The following TAF1D variants were observed in gnomAD, a reference collection of about 807,000 sequenced individuals.
TAF1D encodes the protein TATA-box binding protein associated factor, RNA polymerase I subunit D.
In TAF1D, 23 loss-of-function variants were observed where a neutral mutation model predicts 26.2. The ratio of observed to expected loss-of-function variants is 0.88; its 90% CI spans 0.63 to 1.25. The LOEUF (loss-of-function observed/expected upper bound fraction) is 1.25, where lower values mean the gene tolerates loss of function less well. TAF1D is among the 50% of genes most tolerant of loss of function. TAF1D has a pLI of 0.00. For missense variants in TAF1D, 299 were observed against 322.0 expected (o/e 0.93, Z 0.55); for synonymous variants, 100 against 105.6 (o/e 0.95, Z 0.33).
intron 2 of TAF1D, chr11:93,738,915 G>GT (rs1941276430): frequency 2.7e-6 from 1 of 366,172 alleles, no homozygotes; most frequent in Admixed American, 4.4e-5. Context: ...CCAAAAGGCT[G>GT]TATGGTTCGG....
At chr11:93,737,325 C>A (rs115489651) in intron 3 of TAF1D, 86 bp from the exon 4 acceptor site, 11 of 890,578 alleles carry the variant, frequency 1.2e-5, no homozygotes, top group Admixed American at 3.0e-5. Flanking sequence ...CAATGCCCCC[C>A]CTTAGCAAAG....
Position 93,740,963 on chromosome 11 carries a change from C to T in TAF1D, c.-28+359G>A, listed in dbSNP as rs891143723. ...CTTTACCCGGAGCTAACGCTGTGAC[C>T]ACCAGCGCCTCTCACCCGGCAGCGC... On this transcript the variant is annotated intron_variant, in intron 1 of 5. Coordinates refer to ENST00000448108, the MANE Select transcript of TAF1D (RefSeq NM_024116.4). Among the ~76,000 whole-genome samples, 7 of 152,358 alleles carry T rather than the reference C, an allele frequency of 4.6e-5. No homozygotes were observed. The East Asian group carries it at 1.3e-3, about 29-fold the overall frequency.
At chr11:93,730,413 G>A (rs1938293707) in exon 12 of TAF1D, 1 of 787,452 alleles carries the variant, frequency 1.3e-6, no homozygotes, top group Admixed American at 1.9e-5. Flanking sequence ...ATCCTCTAAA[G>A]AGCTGGAGTC....
At chr11:93,736,956 T>C (rs1940924008) in intron 4 of TAF1D, 108 bp downstream of exon 4, 5 of 1,144,676 alleles carry the variant, frequency 4.4e-6, no homozygotes, top group Non-Finnish European at 6.0e-6. Context: ...ACTCTGTATC[T>C]TTGTTCATTA....
At chr11:93,739,977 A>AAAAAAG (rs1941529317) in intron 1 of TAF1D, among the ~76,000 whole-genome samples, 1 of 150,760 alleles carries the variant, frequency 6.6e-6, no homozygotes, top group Non-Finnish European at 1.5e-5. Context: ...AAAAAAAAAA[A>AAAAAAG]AAAAAGAAAA....
At chr11:93,737,032 A>C in intron 4 of TAF1D, 32 bp downstream of exon 4, 1 of 1,522,096 alleles carries the variant, frequency 6.6e-7, no homozygotes, top group East Asian at 2.3e-5. Context: ...TTTATAACCT[A>C]TTACCAAAGT....
At position 93,736,207 on chromosome 11, in the gene TAF1D, C is replaced by T; in HGVS notation, c.791G>A (p.Arg264Lys). 6.2e-7 allele frequency: 1 copy of T among 1,613,512 alleles called. No homozygotes were observed. Residue 264 changes from arginine to lysine, a missense_variant, in exon 6 of 6, where the codon AGA (arginine) becomes AAA (lysine). Physicochemically the swap from Arg to Lys is conservative, Grantham distance 26. Coordinates refer to ENST00000448108, the MANE Select transcript of TAF1D (RefSeq NM_024116.4). ...TCCAGTATTTTTGGCTTTTGTAGCT[C>T]TCTTTTTAGACAAAGCAGCTTCTTC... The part of the protein sequence containing the change: ...ITEEAALSKK[R>K]ATKAKNTGQR...
At position 93,736,282 on chromosome 11, in the gene TAF1D, G is replaced by A. The variant is rs566261087; in HGVS notation, c.716C>T (p.Ser239Phe). Residue 239 changes from serine (S) to phenylalanine (F), a missense_variant, in exon 6 of 6, where the codon TCT becomes TTT. By Grantham distance (155) the Ser-to-Phe change is radical. Coordinates refer to ENST00000448108, the MANE Select transcript of TAF1D (RefSeq NM_024116.4). ...TACACTCAGTCTTACAGGGAATTCAGAACTTACTATGAAACTATCCCCCTG... is the reference window on the plus strand; with the variant it reads ...TACACTCAGTCTTACAGGGAATTCAAAACTTACTATGAAACTATCCCCCTG... ...KLAGDSFIVSSEFPVRLSVYL... is the reference protein window; with the variant it reads ...KLAGDSFIVSFEFPVRLSVYL... 1 of 1,608,148 alleles carries A rather than the reference G, an allele frequency of 6.2e-7. No individual in the cohort carries two copies. Among genetic ancestry groups the A allele is most frequent in the South Asian group, 1.1e-5 (1 of 89,600 alleles).
At chr11:93,738,967 CGAACCG>C (rs1941286069) in intron 2 of TAF1D, 1 of 471,106 alleles carries the variant, frequency 2.1e-6, no homozygotes, top group South Asian at 2.8e-5. Context: ...CACAGCCTAC[CGAACCG>C]GAGGATGTAG....
At chr11:93,740,690 G>C (rs1387522048) in intron 1 of TAF1D, among the ~76,000 whole-genome samples, 2 of 152,038 alleles carry the variant, frequency 1.3e-5, no homozygotes, top group Admixed American at 6.6e-5. Context: ...GGTCTTACTA[G>C]TTTTTTTAAG....
downstream of TAF1D, chr11:93,733,806 C>T (rs1411635523): frequency 4.5e-6 from 1 of 221,930 alleles, no homozygotes. Flanking sequence ...CCACAGGCAC[C>T]ACTGTGTCCA....
At chr11:93,736,465 A>G in intron 5 of TAF1D, 161 bp from the exon 6 acceptor site, 1 of 1,424,576 alleles carries the variant, frequency 7.0e-7, no homozygotes, top group Non-Finnish European at 9.1e-7. Flanking sequence ...TGACATCCTA[A>G]CTAGCAATAA....
downstream of TAF1D, chr11:93,731,621 T>C (rs773706616): frequency 7.8e-6 from 4 of 515,230 alleles, no homozygotes; most frequent in African/African-American, 7.7e-5. Context: ...TAGTCCTTTT[T>C]TTTACTCCTA....
At chr11:93,731,105 C>T (rs763463432), downstream of TAF1D, 2 of 502,892 alleles carry the variant, frequency 4.0e-6, no homozygotes, top group Non-Finnish European at 7.8e-6. Flanking sequence ...GACCATTACA[C>T]CCTTGAGCAA....
At chr11:93,731,335 T>C (rs781773603), downstream of TAF1D, 3 of 347,568 alleles carry the variant, frequency 8.6e-6, no homozygotes, top group Admixed American at 4.1e-5. Flanking sequence ...AAGTAAGGTA[T>C]TGAAAATTCT....
downstream of TAF1D, chr11:93,734,896 T>TC: frequency 1.3e-6 from 1 of 779,798 alleles, no homozygotes; most frequent in Non-Finnish European, 1.8e-6. Flanking sequence ...TCTGAGTAAC[T>TC]CCAACTACAG....
In TAF1D at chr11:93,737,118, C is replaced by A. The variant is rs774649769; in HGVS notation, c.581G>T (p.Arg194Leu). The part of the protein sequence containing the change: ...EDLENEDFDS[R>L]RYKFLDDDGS... ...ATCATCATCCAAAAATTTGTATCTACGACTGTCAAAATCTTCATTTTCTAA... is the reference window on the plus strand; with the variant it reads ...ATCATCATCCAAAAATTTGTATCTAAGACTGTCAAAATCTTCATTTTCTAA... Residue 194 changes from arginine (R) to leucine (L), a missense_variant, in exon 4 of 6, where the codon CGT (arginine) becomes CTT (leucine). By Grantham distance (102) the Arg-to-Leu change is moderately radical. Transcript: ENST00000448108. 1 of 1,611,734 alleles carries A rather than the reference C, an allele frequency of 6.2e-7. No individual in the cohort carries two copies. The highest frequency in any genetic ancestry group is 8.5e-7 in the Non-Finnish European group (1 of 1,178,998).
intron 1 of TAF1D, among the ~76,000 whole-genome samples, chr11:93,739,956 C>T (rs1446794471): frequency 2.4e-5 from 1 of 41,186 alleles, no homozygotes; most frequent in Non-Finnish European, 4.6e-5. Context: ...GAGTATACAA[C>T]ATACCAAAAA....
At position 93,736,810 on chromosome 11, in the gene TAF1D, A is replaced by G. The variant is rs1216312000; in HGVS notation, c.636-59T>C. On this transcript the variant is annotated intron_variant, in intron 4 of 5. Transcript: ENST00000448108. ...AATCTTCGATGACCTAATTAGTTGT[A>G]TATTCCACTCTGAAATATAACTGAA... 14 of 1,523,602 alleles carry G rather than the reference A, an allele frequency of 9.2e-6. No individual in the cohort carries two copies. In the Admixed American group the frequency reaches 9.9e-5, roughly 11 times the overall value. The allele number at this position is 1,523,602 out of a possible 1,614,324, so 94.4% of individuals were successfully genotyped here.
Sources: gnomAD v4.1 joint callset for allele counts (sites outside exome capture counted in the v4.1 genomes callset) on GRCh38, gnomAD v4.1.1 for gene constraint, MANE v1.5 for transcripts, NCBI Gene and HGNC (gene_info 2026-07-23, HGNC 2026-07-21) for gene names.